The following CACNA1A variants were observed in gnomAD, a reference collection of about 807,000 sequenced individuals.
The protein encoded by CACNA1A is calcium voltage-gated channel subunit alpha1 A.
CACNA1A carries 57 observed loss-of-function variants against 262.4 expected under a neutral mutation model. The observed-to-expected ratio is 0.22, with a 90% CI of 0.18 to 0.27. The LOEUF is 0.27. Among genes scored for constraint, CACNA1A ranks in the 10% least tolerant of loss-of-function variants. The probability of loss-of-function intolerance (pLI) is 1.00; values close to 1 mark genes in which losing one functional copy is unlikely to be tolerated. For missense variants in CACNA1A, 2,526 were observed against 3,562.8 expected (o/e 0.71, Z 7.41); for synonymous variants, 1,431 against 1,419.3 (o/e 1.01, Z -0.18).
chr19:13,361,703 A>G (rs1272255447), intron 5 of CACNA1A, among the ~76,000 whole-genome samples: 1 of 152,216 alleles, frequency 6.6e-6, no homozygotes, highest in Non-Finnish European at 1.5e-5. Flanking sequence ...TAGCCTCGCC[A>G]TGAACTTAAG....
intron 10 of CACNA1A, among the ~76,000 whole-genome samples, chr19:13,325,901 C>T (rs565424260): frequency 1.1e-4 from 16 of 152,218 alleles, no homozygotes; most frequent in South Asian, 4.2e-4. Context: ...ACTTTTCTCA[C>T]GGTGAGAATG....
intron 3 of CACNA1A, among the ~76,000 whole-genome samples, chr19:13,384,016 G>C (rs1355147822): frequency 6.6e-6 from 1 of 152,102 alleles, no homozygotes; most frequent in East Asian, 1.9e-4. Context: ...CAGGGTCCCA[G>C]TACGTTTCCC....
chr19:13,284,274 C>T (rs182191836), intron 21 of CACNA1A: 101 of 152,292 alleles, frequency 6.6e-4, no homozygotes, highest in African/African-American at 2.4e-3. Flanking sequence ...CAGAACAGTG[C>T]CTGGCACTGA....
intron 34 of CACNA1A, among the ~76,000 whole-genome samples, chr19:13,232,989 C>T (rs1385513153): frequency 1.3e-5 from 2 of 151,222 alleles, no homozygotes; most frequent in African/African-American, 4.9e-5. Flanking sequence ...GCAGAAGTTG[C>T]GCCGAGCCGA....
chr19:13,347,050 G>GT (rs911693291), intron 6 of CACNA1A, among the ~76,000 whole-genome samples: 20 of 96,938 alleles, frequency 2.1e-4, no homozygotes, highest in African/African-American at 6.2e-4. Flanking sequence ...CTTCAGGTCT[G>GT]TTTTTTTTGT....
chr19:13,231,671 AG>A, intron 35 of CACNA1A, 38 bp downstream of exon 35: 1 of 1,589,722 alleles, frequency 6.3e-7, no homozygotes, highest in Admixed American at 1.8e-5. Flanking sequence ...AGCCAGGCTT[AG>A]GGAGCCCAGA....
chr19:13,293,036 GAT>G (rs1226669419), intron 19 of CACNA1A, among the ~76,000 whole-genome samples: 14 of 152,172 alleles, frequency 9.2e-5, no homozygotes, highest in Non-Finnish European at 2.1e-4. Flanking sequence ...AAAGTGGGGA[GAT>G]AGTTTCTTCC....
intron 6 of CACNA1A, among the ~76,000 whole-genome samples, chr19:13,342,657 C>T (rs2058694452): frequency 6.6e-6 from 1 of 152,138 alleles, no homozygotes; most frequent in South Asian, 2.1e-4. Flanking sequence ...AAATAGCTGT[C>T]ATTTTGGAGC....
intron 19 of CACNA1A, among the ~76,000 whole-genome samples, chr19:13,292,741 T>C (rs1052926071): frequency 5.3e-5 from 8 of 152,230 alleles, no homozygotes; most frequent in African/African-American, 1.9e-4. Flanking sequence ...ACTGGCTTTG[T>C]CACAACAGAG....
At chr19:13,456,304 A>C (rs1323950548) in intron 1 of CACNA1A, among the ~76,000 whole-genome samples, 1 of 152,224 alleles carries the variant, frequency 6.6e-6, no homozygotes, top group African/African-American at 2.4e-5. Context: ...GTTATCAAGA[A>C]AGTTAAAAGG....
intron 1 of CACNA1A, among the ~76,000 whole-genome samples, chr19:13,505,160 G>A (rs1033409459): frequency 1.3e-5 from 2 of 152,036 alleles, no homozygotes; most frequent in Non-Finnish European, 2.9e-5. Context: ...CAGGCCAGGG[G>A]CCCAGATAAA....
rs562909739 is a variant in CACNA1A, at chr19:13,483,393, C to G, written c.293+22539G>C. Among the ~76,000 whole-genome samples, 4 of 152,248 alleles carry G rather than the reference C, an allele frequency of 2.6e-5. 1 individual carries two copies. The South Asian group carries it at 8.3e-4, about 32-fold the overall frequency. On this transcript the variant is annotated intron_variant, in intron 1 of 46. Transcript: ENST00000360228. ...TCCTAATACACCTTTAAGAAGACTG[C>G]TCTTCCCCACTTGGAGAAGTTGGCT...
intron 3 of CACNA1A, among the ~76,000 whole-genome samples, chr19:13,376,435 G>T (rs555161722): frequency 6.6e-6 from 1 of 151,844 alleles, no homozygotes; most frequent in African/African-American, 2.4e-5. Context: ...AATCTACTCT[G>T]CCTGTGCTCT....
rs569359923 is a variant in CACNA1A, at chr19:13,230,537, G to T, written c.5401-328C>A. Among the ~76,000 whole-genome samples the T allele has an allele frequency of 7.2e-5, 11 of 152,248 alleles. No individual in the cohort carries two copies. In the East Asian group the frequency reaches 2.1e-3, roughly 29 times the overall value. On this transcript the variant is annotated intron_variant, in intron 35 of 46. Coordinates refer to ENST00000360228, the MANE Select transcript of CACNA1A (RefSeq NM_001127222.2). Reference sequence around the variant, plus strand: ...AGACAAAGACTGGCCGGGCACGGTGGATCACGCCTGTAATCCCAGCACTTT... The same window carrying T: ...AGACAAAGACTGGCCGGGCACGGTGTATCACGCCTGTAATCCCAGCACTTT...
intron 4 of CACNA1A, chr19:13,365,844 C>T (rs2059201477): frequency 6.0e-6 from 1 of 165,686 alleles, no homozygotes; most frequent in Admixed American, 6.0e-5. Context: ...AGTTTTAAAA[C>T]TTGTTTGTAG....
At chr19:13,432,579 A>T (rs1182707164) in intron 3 of CACNA1A, among the ~76,000 whole-genome samples, 1 of 152,074 alleles carries the variant, frequency 6.6e-6, no homozygotes, top group African/African-American at 2.4e-5. Flanking sequence ...GTCAGACAGG[A>T]GGAATACGTT....
chr19:13,387,999 G>A (rs2059644189), intron 3 of CACNA1A, among the ~76,000 whole-genome samples: 1 of 152,142 alleles, frequency 6.6e-6, no homozygotes, highest in African/African-American at 2.4e-5. Flanking sequence ...GTGAGAAGAT[G>A]TTAGCATGGT....
chr19:13,218,317 A>T (rs951850459), intron 38 of CACNA1A, among the ~76,000 whole-genome samples: 2 of 152,136 alleles, frequency 1.3e-5, no homozygotes, highest in South Asian at 2.1e-4. Flanking sequence ...GCCACGTGGT[A>T]TCAGTTTGAC....
intron 3 of CACNA1A, among the ~76,000 whole-genome samples, chr19:13,433,098 C>T (rs2060543112): frequency 6.6e-6 from 1 of 151,950 alleles, no homozygotes; most frequent in African/African-American, 2.4e-5. Context: ...TGGAGACCAT[C>T]CTGGCTAACA....
Sources: allele counts gnomAD v4.1 joint callset (sites outside exome capture counted in the v4.1 genomes callset), GRCh38; gene constraint gnomAD v4.1.1; transcripts MANE v1.5; gene names NCBI Gene and HGNC (gene_info 2026-07-23, HGNC 2026-07-21).